Variants in CAMSAP2 observed in about 807,000 individuals in gnomAD.
The protein encoded by CAMSAP2 is calmodulin regulated spectrin associated protein family member 2, also known as calmodulin-regulated spectrin-associated protein 2.
A neutral mutation model predicts 146.1 loss-of-function variants in CAMSAP2; 26 were observed. That is an observed-to-expected ratio of 0.18 (90% confidence interval 0.13 to 0.25). The LOEUF (loss-of-function observed/expected upper bound fraction) is 0.25. CAMSAP2 is among the 10% of genes least tolerant of loss of function. The pLI is 1.00. For synonymous variants in CAMSAP2, 499 were observed against 596.6 expected (o/e 0.84, Z 2.38); for missense variants, 1,381 against 1,759.3 (o/e 0.78, Z 3.85).
At chr1:200,757,070 G>A (rs1158486993) in intron 1 of CAMSAP2, among the ~76,000 whole-genome samples, 1 of 152,082 alleles carries the variant, frequency 6.6e-6, no homozygotes, top group East Asian at 1.9e-4. Flanking sequence ...AGATTCTGTG[G>A]CTTACTTTTA....
At chr1:200,806,755 GTGTGTGTGTGTATCTATC>G (rs1172270380) in intron 2 of CAMSAP2, among the ~76,000 whole-genome samples, 9 of 134,532 alleles carry the variant, frequency 6.7e-5, no homozygotes, top group African/African-American at 2.4e-4. Flanking sequence ...GTGTGTGTGT[GTGTGTGTGTGTATCTATC>G]TATCTATCTA....
intron 1 of CAMSAP2, among the ~76,000 whole-genome samples, chr1:200,740,305 G>A (rs1664125601): frequency 6.6e-6 from 1 of 151,750 alleles, no homozygotes; most frequent in South Asian, 2.1e-4. Flanking sequence ...TTCTGCCTCA[G>A]TCATAATTGT....
intron 3 of CAMSAP2, among the ~76,000 whole-genome samples, chr1:200,810,884 A>G (rs1358999215): frequency 6.6e-6 from 1 of 152,092 alleles, no homozygotes; most frequent in African/African-American, 2.4e-5. Flanking sequence ...GCAAAACTCC[A>G]TCTCAAAAAA....
intron 3 of CAMSAP2, among the ~76,000 whole-genome samples, chr1:200,808,426 TA>T (rs1345649145): frequency 6.6e-6 from 1 of 152,230 alleles, no homozygotes; most frequent in Non-Finnish European, 1.5e-5. Flanking sequence ...TAAACGGATT[TA>T]AAAGAAGTTA....
chr1:200,749,034 T>C (rs898205056), intron 1 of CAMSAP2, among the ~76,000 whole-genome samples: 1 of 152,176 alleles, frequency 6.6e-6, no homozygotes, highest in Non-Finnish European at 1.5e-5. Flanking sequence ...TTATGTGATT[T>C]GTTAAATCAG....
At chr1:200,789,902 G>A (rs925033069) in intron 2 of CAMSAP2, among the ~76,000 whole-genome samples, 2 of 152,030 alleles carry the variant, frequency 1.3e-5, no homozygotes, top group Admixed American at 6.6e-5. Flanking sequence ...ATAATTTGGG[G>A]GTGCTAATGA....
At chr1:200,838,196 G>A (rs1013100154) in intron 6 of CAMSAP2, among the ~76,000 whole-genome samples, 4 of 152,052 alleles carry the variant, frequency 2.6e-5, no homozygotes, top group Non-Finnish European at 5.9e-5. Context: ...ATGTTATTAG[G>A]ATGGCTATCT....
rs978632650 is a variant in CAMSAP2, at chr1:200,792,728, A to G, written c.400-14648A>G. On this transcript the variant is annotated intron_variant, in intron 2 of 16. Coordinates refer to ENST00000358823, the MANE Select transcript of CAMSAP2 (RefSeq NM_203459.4). ...CATTTATATAAACATTCTTGAAATG[A>G]CAAAATTATAGAAATGGAGAACAGA... Among the ~76,000 whole-genome samples the G allele has an allele frequency of 6.2e-4, 94 of 152,350 alleles. 1 individual carries two copies. Among genetic ancestry groups the G allele is most frequent in the African/African-American group, 2.2e-3 (93 of 41,586 alleles).
At chr1:200,836,459 ATATG>A (rs1667186633) in intron 6 of CAMSAP2, among the ~76,000 whole-genome samples, 1 of 152,178 alleles carries the variant, frequency 6.6e-6, no homozygotes, top group Admixed American at 6.5e-5. Context: ...TCCATAGTGT[ATATG>A]TACCCCATTT....
At chr1:200,740,471 G>T (rs1664131606) in intron 1 of CAMSAP2, among the ~76,000 whole-genome samples, 1 of 152,120 alleles carries the variant, frequency 6.6e-6, no homozygotes, top group Admixed American at 6.5e-5. Flanking sequence ...ATTAATTTTT[G>T]TTGTCATTCT....
chr1:200,827,161 GA>G (rs958447054), intron 4 of CAMSAP2, among the ~76,000 whole-genome samples: 1 of 152,112 alleles, frequency 6.6e-6, no homozygotes, highest in African/African-American at 2.4e-5. Flanking sequence ...TTTCCGCCAA[GA>G]AGATTGCTGT....
At chr1:200,787,710 A>G (rs576756822) in intron 2 of CAMSAP2, among the ~76,000 whole-genome samples, 27 of 152,316 alleles carry the variant, frequency 1.8e-4, no homozygotes, top group African/African-American at 6.3e-4. Context: ...TGTGGGTAAA[A>G]TGCTATCAAA....
chr1:200,754,574 C>CA (rs1553278701), intron 1 of CAMSAP2, among the ~76,000 whole-genome samples: 4 of 86,580 alleles, frequency 4.6e-5, no homozygotes, highest in Non-Finnish European at 9.3e-5. Context: ...GAAAGAGCTC[C>CA]TTTTTTTTTT....
rs1030027121 is a variant in CAMSAP2 at position 200,829,956 on chromosome 1, TAAAAC to T, written c.646-2240_646-2236del. ...AAAAATAATAATAATAAAATAAAAA[TAAAAC>T]AAACAACAAAAAAAAGGAGAAGAAA... is the stretch of plus-strand genomic sequence containing the variant. On this transcript the variant is annotated intron_variant, in intron 4 of 16. Transcript: ENST00000358823. Among the ~76,000 whole-genome samples the T allele has an allele frequency of 1.1e-4, 16 of 151,332 alleles. 1 individual carries two copies. Among genetic ancestry groups the T allele is most frequent in the South Asian group, 4.2e-4 (2 of 4,782 alleles).
intron 4 of CAMSAP2, among the ~76,000 whole-genome samples, chr1:200,829,998 A>C (rs903276394): frequency 1.3e-5 from 2 of 152,174 alleles, no homozygotes; most frequent in Non-Finnish European, 2.9e-5. Flanking sequence ...TAAATATACC[A>C]TAATGTTGAA....
chr1:200,812,750 A>G (rs892189283), intron 3 of CAMSAP2, among the ~76,000 whole-genome samples: 1 of 152,242 alleles, frequency 6.6e-6, no homozygotes, highest in Non-Finnish European at 1.5e-5. Context: ...AGACAAGATT[A>G]TATTGAATGA....
intron 2 of CAMSAP2, among the ~76,000 whole-genome samples, chr1:200,769,524 C>T (rs1276974600): frequency 2.0e-5 from 3 of 152,170 alleles, no homozygotes; most frequent in African/African-American, 7.2e-5. Context: ...CACCACCACA[C>T]CAGTCACAAG....
At chr1:200,748,150 T>C (rs1049012020) in intron 1 of CAMSAP2, among the ~76,000 whole-genome samples, 1 of 152,198 alleles carries the variant, frequency 6.6e-6, no homozygotes, top group Non-Finnish European at 1.5e-5. Context: ...ATCTCAAATA[T>C]ATACAATAAC....
chr1:200,793,408 A>G (rs963947599), intron 2 of CAMSAP2, among the ~76,000 whole-genome samples: 6 of 152,174 alleles, frequency 3.9e-5, no homozygotes, highest in Non-Finnish European at 7.4e-5. Flanking sequence ...TAATTTAAAT[A>G]ACATGTATAA....
Sources: gnomAD v4.1 joint callset for allele counts (sites outside exome capture counted in the v4.1 genomes callset) on GRCh38, gnomAD v4.1.1 for gene constraint, MANE v1.5 for transcripts, NCBI Gene and HGNC (gene_info 2026-07-23, HGNC 2026-07-21) for gene names.